Variants in ADCY5 observed in about 807,000 individuals in gnomAD.
ADCY5 encodes adenylate cyclase type 5.
Under a neutral mutation model 119.7 loss-of-function variants are expected in ADCY5, and 30 were observed. The observed-to-expected ratio is 0.25, with a 90% confidence interval of 0.19 to 0.34. ADCY5 has a LOEUF of 0.34. ADCY5 is among the 10% of genes least tolerant of loss of function. The pLI is 1.00. For synonymous variants in ADCY5, 753 were observed against 762.2 expected, an observed-to-expected ratio of 0.99 and a Z score of 0.20; for missense variants, 1,324 against 1,775.2, an observed-to-expected ratio of 0.75 and a Z score of 4.57.
intron 1 of ADCY5, among the ~76,000 whole-genome samples, chr3:123,371,591 G>A (rs1943644380): frequency 6.6e-6 from 1 of 152,254 alleles, no homozygotes; most frequent in Non-Finnish European, 1.5e-5. Context: ...CTGGTCCTGA[G>A]CCTCGGGGCA....
intron 3 of ADCY5, among the ~76,000 whole-genome samples, chr3:123,337,097 A>G (rs1051542810): frequency 2.2e-4 from 34 of 152,120 alleles, no homozygotes; most frequent in African/African-American, 8.2e-4. Context: ...TTAAATTTAC[A>G]ACCCTTCCCA....
chr3:123,340,094 G>A (rs865875070), intron 3 of ADCY5, among the ~76,000 whole-genome samples: 7 of 152,022 alleles, frequency 4.6e-5, no homozygotes, highest in Non-Finnish European at 5.9e-5. Flanking sequence ...GTCGGAGGCC[G>A]GTCTAAGCAA....
intron 1 of ADCY5, chr3:123,420,108 C>G (rs1475955899): frequency 6.6e-6 from 1 of 152,254 alleles, no homozygotes. Flanking sequence ...CCAAGGTGCG[C>G]TGCGGAGGGC....
Position 123,332,584 on chromosome 3 carries a change from G to A in ADCY5, c.1498C>T (p.Arg500Cys), listed in dbSNP as rs1310878895. The A allele has an allele frequency of 3.1e-6, 5 of 1,613,264 alleles. No individual in the cohort carries two copies. Among genetic ancestry groups the A allele is most frequent in the Non-Finnish European group, 3.4e-6 (4 of 1,179,510 alleles). The change falls in exon 4 of 21, where the codon CGC becomes TGC. Residue 500 changes from arginine to cysteine, a missense_variant. Transcript: ENST00000462833. ...CTCACTGCGGCCAGCTTGTCAAAGC[G>A]GGCGAAGAGCTCGTTGAGGGTCATG... ...LVMTLNELFARFDKLAAENHC... is the reference protein window; with the variant it reads ...LVMTLNELFACFDKLAAENHC...
At chr3:123,359,875 T>C (rs1175679354) in intron 1 of ADCY5, among the ~76,000 whole-genome samples, 2 of 152,136 alleles carry the variant, frequency 1.3e-5, no homozygotes, top group Non-Finnish European at 2.9e-5. Context: ...CAAGACTTCC[T>C]TCCTCCTACA....
intron 1 of ADCY5, among the ~76,000 whole-genome samples, chr3:123,378,730 C>T (rs1392988668): frequency 1.3e-5 from 2 of 152,200 alleles, no homozygotes; most frequent in Non-Finnish European, 2.9e-5. Flanking sequence ...GAAGCCCTGG[C>T]CTAGGAAACC....
At chr3:123,327,382 GCTAA>G (rs1336799032) in intron 7 of ADCY5, among the ~76,000 whole-genome samples, 1 of 152,204 alleles carries the variant, frequency 6.6e-6, no homozygotes, top group Admixed American at 6.5e-5. Flanking sequence ...ATGTCTTGTT[GCTAA>G]CTGATTTGAG....
chr3:123,396,867 A>T (rs1944611121), intron 1 of ADCY5, among the ~76,000 whole-genome samples: 1 of 151,542 alleles, frequency 6.6e-6, no homozygotes, highest in South Asian at 2.1e-4. Flanking sequence ...TCCATACCAC[A>T]GTGGATCACG....
intron 19 of ADCY5, among the ~76,000 whole-genome samples, chr3:123,289,054 A>G (rs747189471): frequency 3.3e-5 from 5 of 152,226 alleles, no homozygotes. Flanking sequence ...CTTGTATAAA[A>G]AGAGTAAAAA....
chr3:123,284,361 CAG>C lies in ADCY5; in HGVS notation c.*245_*246del, dbSNP rs955658583. ...AACTCAAGCTTCAGACCCAGTCTAG[CAG>C]AGTCTTCTACAGAGGGAAACATCTT... On this transcript the variant is annotated 3_prime_UTR_variant, in exon 21 of 21. Coordinates refer to ENST00000462833, the MANE Select transcript of ADCY5 (RefSeq NM_183357.3). 7 of 531,186 alleles carry C rather than the reference CAG, an allele frequency of 1.3e-5. No homozygotes were observed. In the Admixed American group the frequency reaches 1.6e-4, roughly 12 times the overall value. The allele number at this position is 531,186 out of a possible 1,614,324, so 32.9% of individuals were successfully genotyped here.
intron 1 of ADCY5, among the ~76,000 whole-genome samples, chr3:123,377,192 T>C (rs1170519843): frequency 6.6e-6 from 1 of 152,130 alleles, no homozygotes; most frequent in Non-Finnish European, 1.5e-5. Context: ...CTTCAAACTT[T>C]GATAGAACTT....
intron 1 of ADCY5, among the ~76,000 whole-genome samples, chr3:123,377,929 C>CA (rs10662985): frequency 0.45 from 37,703 of 84,494 alleles, 9,936 homozygotes; most frequent in Admixed American, 0.5. Flanking sequence ...GACTCCATCT[C>CA]AAAAAAAAAA....
At chr3:123,327,886 C>T in intron 6 of ADCY5, 127 bp from the exon 7 acceptor site, 2 of 1,153,174 alleles carry the variant, frequency 1.7e-6, no homozygotes, top group African/African-American at 1.6e-5. Context: ...CCAAGCTCTG[C>T]TCAAATCCTA....
intron 12 of ADCY5, among the ~76,000 whole-genome samples, chr3:123,306,514 GA>G (rs201829544): frequency 0.012 from 1,821 of 152,066 alleles, 22 homozygotes; most frequent in Admixed American, 0.02. Context: ...AATCAAAAAA[GA>G]AAAAAACAGA....
intron 3 of ADCY5, among the ~76,000 whole-genome samples, chr3:123,341,117 T>C (rs1942263330): frequency 6.6e-6 from 1 of 151,342 alleles, no homozygotes; most frequent in Non-Finnish European, 1.5e-5. Context: ...AGAGTGAGAC[T>C]CCATCTCAAA....
At chr3:123,304,238 G>T in intron 12 of ADCY5, 55 bp from the exon 13 acceptor site, 1 of 1,171,296 alleles carries the variant, frequency 8.5e-7, no homozygotes, top group Non-Finnish European at 1.3e-6. Flanking sequence ...ATAGCATTCA[G>T]CAAGGACTCC....
chr3:123,410,442 G>A (rs927707744), intron 1 of ADCY5, among the ~76,000 whole-genome samples: 1 of 152,070 alleles, frequency 6.6e-6, no homozygotes, highest in Non-Finnish European at 1.5e-5. Flanking sequence ...AAGGTGAACT[G>A]CCTGTTGGGG....
intron 1 of ADCY5, among the ~76,000 whole-genome samples, chr3:123,417,697 G>C (rs925703626): frequency 6.6e-6 from 1 of 152,178 alleles, no homozygotes; most frequent in Non-Finnish European, 1.5e-5. Flanking sequence ...CCATTCAGAT[G>C]GGTCTAAATC....
chr3:123,402,904 T>G (rs1944808453), intron 1 of ADCY5, among the ~76,000 whole-genome samples: 1 of 151,960 alleles, frequency 6.6e-6, no homozygotes, highest in South Asian at 2.1e-4. Context: ...TTCTTCTTTT[T>G]CGCAGGGAAG....
Sources: allele counts gnomAD v4.1 joint callset (sites outside exome capture counted in the v4.1 genomes callset), GRCh38; gene constraint gnomAD v4.1.1; transcripts MANE v1.5; gene names NCBI Gene and HGNC (gene_info 2026-07-23, HGNC 2026-07-21).